ANKS1B: variants seen among roughly 807,000 people sequenced by gnomAD.
ANKS1B encodes the protein ankyrin repeat and sterile alpha motif domain-containing protein 1B.
In ANKS1B, 36 loss-of-function variants were observed where a neutral mutation model predicts 148.3. The ratio of observed to expected loss-of-function variants is 0.24; its 90% CI spans 0.19 to 0.32. The LOEUF is 0.32. ANKS1B is among the 10% of genes least tolerant of loss of function. ANKS1B has a pLI of 1.00. For synonymous variants in ANKS1B, 542 were observed against 560.8 expected (o/e 0.97, Z 0.47); for missense variants, 1,157 against 1,542.6 (o/e 0.75, Z 4.19).
At chr12:98,790,159 T>C (rs2098835123) in intron 22 of ANKS1B, among the ~76,000 whole-genome samples, 1 of 152,234 alleles carries the variant, frequency 6.6e-6, no homozygotes, top group African/African-American at 2.4e-5. Context: ...TTTGAATCTA[T>C]CACTTATAAG....
chr12:98,815,290 T>C (rs73380435), intron 19 of ANKS1B, among the ~76,000 whole-genome samples: 4,484 of 152,270 alleles, frequency 0.029, 219 homozygotes, highest in African/African-American at 0.1. Context: ...CCACTTTCTC[T>C]TTTCCTGTCC....
chr12:98,775,315 A>C (rs2098659794), intron 24 of ANKS1B, among the ~76,000 whole-genome samples: 1 of 152,176 alleles, frequency 6.6e-6, no homozygotes, highest in Non-Finnish European at 1.5e-5. Context: ...GCCACTCTTG[A>C]CAATTTCCAA....
intron 8 of ANKS1B, among the ~76,000 whole-genome samples, chr12:99,730,125 C>T (rs762885458): frequency 6.6e-6 from 1 of 152,192 alleles, no homozygotes; most frequent in Non-Finnish European, 1.5e-5. Flanking sequence ...GATTTATGTA[C>T]TGCTTTCAAC....
intron 8 of ANKS1B, among the ~76,000 whole-genome samples, chr12:99,698,986 G>A (rs1201960518): frequency 6.6e-6 from 1 of 152,166 alleles, no homozygotes; most frequent in Non-Finnish European, 1.5e-5. Flanking sequence ...GTGCACGCAC[G>A]TGCGCAAGCA....
At chr12:99,452,719 A>C (rs2095766021) in intron 10 of ANKS1B, among the ~76,000 whole-genome samples, 1 of 152,250 alleles carries the variant, frequency 6.6e-6, no homozygotes, top group African/African-American at 2.4e-5. Context: ...TAAGAGAATT[A>C]GTTAATAATC....
chr12:99,756,179 C>CT (rs57094883), intron 8 of ANKS1B, among the ~76,000 whole-genome samples: 66,360 of 151,854 alleles, frequency 0.44, 14,886 homozygotes, highest in South Asian at 0.61. Flanking sequence ...TGACATGATC[C>CT]ATATCTAGAA....
chr12:99,387,383 C>T (rs907927699), intron 12 of ANKS1B, among the ~76,000 whole-genome samples: 3 of 152,088 alleles, frequency 2.0e-5, no homozygotes, highest in East Asian at 2.0e-4. Flanking sequence ...TTTGGGAGGC[C>T]GAGGTGGGTG....
chr12:99,982,193 G>A (rs2095712096), intron 1 of ANKS1B, among the ~76,000 whole-genome samples: 1 of 151,676 alleles, frequency 6.6e-6, no homozygotes, highest in Non-Finnish European at 1.5e-5. Flanking sequence ...TTGTTGTAGA[G>A]CTACTACTAC....
chr12:99,763,566 C>T (rs2062363670), intron 8 of ANKS1B, among the ~76,000 whole-genome samples: 1 of 151,868 alleles, frequency 6.6e-6, no homozygotes, highest in South Asian at 2.1e-4. Context: ...TGCTCATTAC[C>T]TGGGAGAATA....
At chr12:99,150,747 G>A (rs1412817856) in intron 15 of ANKS1B, among the ~76,000 whole-genome samples, 1 of 152,034 alleles carries the variant, frequency 6.6e-6, no homozygotes, top group East Asian at 1.9e-4. Flanking sequence ...TCGAAACTTA[G>A]ACACATTCTC....
At chr12:99,172,515 A>C (rs1224276939) in intron 14 of ANKS1B, among the ~76,000 whole-genome samples, 2 of 152,166 alleles carry the variant, frequency 1.3e-5, no homozygotes, top group Admixed American at 1.3e-4. Context: ...TTAGTTTCCT[A>C]GAACAAAGTA....
At chr12:99,416,658 C>T (rs1567059863) in intron 11 of ANKS1B, among the ~76,000 whole-genome samples, 3 of 152,150 alleles carry the variant, frequency 2.0e-5, no homozygotes, top group Non-Finnish European at 2.9e-5. Context: ...TGCAGTAAAA[C>T]GTCTCTTCAT....
chr12:99,652,832 A>C (rs1312500557), intron 9 of ANKS1B, among the ~76,000 whole-genome samples: 1 of 152,206 alleles, frequency 6.6e-6, no homozygotes, highest in Non-Finnish European at 1.5e-5. Flanking sequence ...TTATTGTTCA[A>C]TGGAAAGTCA....
At chr12:99,122,844 A>G (rs1370537223) in intron 15 of ANKS1B, among the ~76,000 whole-genome samples, 1 of 152,098 alleles carries the variant, frequency 6.6e-6, no homozygotes, top group East Asian at 1.9e-4. Flanking sequence ...TAGAGGGTTC[A>G]AAAGTATGCA....
intron 14 of ANKS1B, among the ~76,000 whole-genome samples, chr12:99,197,988 T>C (rs2081588709): frequency 6.6e-6 from 1 of 152,126 alleles, no homozygotes; most frequent in African/African-American, 2.4e-5. Flanking sequence ...AATATCTATC[T>C]TCCACATCTA....
chr12:98,993,961 G>A (rs1042574095), intron 17 of ANKS1B, among the ~76,000 whole-genome samples: 1 of 152,104 alleles, frequency 6.6e-6, no homozygotes, highest in Non-Finnish European at 1.5e-5. Flanking sequence ...TAGTTATGTT[G>A]AAAGTAATGA....
intron 17 of ANKS1B, among the ~76,000 whole-genome samples, chr12:98,925,881 CA>C (rs1269916244): frequency 1.3e-5 from 2 of 152,096 alleles, no homozygotes; most frequent in Non-Finnish European, 2.9e-5. Flanking sequence ...GCCCTGACCC[CA>C]GCTAATTTTT....
chr12:99,942,271 C>T (rs1211387391), intron 1 of ANKS1B, among the ~76,000 whole-genome samples: 4 of 152,106 alleles, frequency 2.6e-5, no homozygotes, highest in African/African-American at 9.7e-5. Context: ...GGACCATCAA[C>T]AGCATTATTT....
downstream of ANKS1B, among the ~76,000 whole-genome samples, chr12:98,741,743 G>T (rs2097800519): frequency 6.6e-6 from 1 of 152,188 alleles, no homozygotes; most frequent in African/African-American, 2.4e-5. Flanking sequence ...CACTGGCATT[G>T]TTTTTTTCCT....
Sources: allele counts gnomAD v4.1 joint callset (sites outside exome capture counted in the v4.1 genomes callset), GRCh38; gene constraint gnomAD v4.1.1; transcripts MANE v1.5; gene names NCBI Gene and HGNC (gene_info 2026-07-23, HGNC 2026-07-21).